OTOF: variants seen among roughly 807,000 people sequenced by gnomAD.
OTOF encodes fer-1-like family member 2.
OTOF carries 218 observed loss-of-function variants against 236.8 expected under a neutral mutation model. The ratio of observed to expected loss-of-function variants is 0.92; its 90% confidence interval spans 0.82 to 1.03. The LOEUF (loss-of-function observed/expected upper bound fraction) is 1.03. Among genes scored for constraint, OTOF ranks in the 50% least tolerant of loss-of-function variants. The probability of loss-of-function intolerance (pLI) is 0.00; values close to 1 mark genes in which losing one functional copy is unlikely to be tolerated. For missense variants in OTOF, 2,590 were observed against 2,694.4 expected, an observed-to-expected ratio of 0.96 and a Z score of 0.86; for synonymous variants, 1,041 against 1,072.5, an observed-to-expected ratio of 0.97 and a Z score of 0.57.
chr2:26,497,787 C>A (rs1308941991), intron 8 of OTOF, among the ~76,000 whole-genome samples: 1 of 152,202 alleles, frequency 6.6e-6, no homozygotes, highest in African/African-American at 2.4e-5. Context: ...GTTCAATATT[C>A]ACTGCTCCTT....
At chr2:26,550,283 C>T (rs539763417) in intron 1 of OTOF, among the ~76,000 whole-genome samples, 1 of 152,214 alleles carries the variant, frequency 6.6e-6, no homozygotes, top group South Asian at 2.1e-4. Flanking sequence ...CATGATAGTC[C>T]CTGTCTCCGG....
At chr2:26,478,148 A>T in intron 18 of OTOF, 1 of 793,658 alleles carries the variant, frequency 1.3e-6, no homozygotes, top group Non-Finnish European at 1.7e-6. Context: ...GGGGATGGGA[A>T]CAGATGCCTG....
intron 1 of OTOF, among the ~76,000 whole-genome samples, chr2:26,541,378 A>G (rs1017588405): frequency 2.0e-5 from 3 of 152,238 alleles, no homozygotes; most frequent in Non-Finnish European, 4.4e-5. Flanking sequence ...GGGGATTTAG[A>G]GATGGTGAAT....
Position 26,517,961 on chromosome 2 carries a change from G to A in OTOF, c.327+1049C>T, listed in dbSNP as rs996759689. 8.5e-5 allele frequency among the ~76,000 whole-genome samples: 13 copies of A among 152,142 alleles called. 1 individual carries two copies. The highest frequency in any genetic ancestry group is 7.2e-4 in the Admixed American group (11 of 15,270). Reference sequence around the variant, plus strand: ...CTCCTCCCAGCCCGCCTTCCCATGGGTGTCCATACATAGCTTATTCTGCAC... The same window carrying A: ...CTCCTCCCAGCCCGCCTTCCCATGGATGTCCATACATAGCTTATTCTGCAC... On this transcript the variant is annotated intron_variant, in intron 4 of 46. Transcript: ENST00000272371.
chr2:26,528,052 G>C (rs1666853364), intron 2 of OTOF, 132 bp from the exon 3 acceptor site: 1 of 721,088 alleles, frequency 1.4e-6, no homozygotes, highest in African/African-American at 1.7e-5. Context: ...GCTCCCCAGG[G>C]ACAAAGCATT....
intron 8 of OTOF, among the ~76,000 whole-genome samples, chr2:26,500,490 A>G (rs1199595275): frequency 1.3e-5 from 2 of 152,104 alleles, no homozygotes; most frequent in African/African-American, 4.8e-5. Context: ...CCTGAGCCCA[A>G]TCCCTTGGAA....
chr2:26,476,187 A>G lies in OTOF; in HGVS notation c.2807T>C (p.Val936Ala), dbSNP rs758010380. The change falls in exon 23 of 47, where the codon GTC becomes GCC. Residue 936 changes from valine to alanine, a missense_variant. By Grantham distance (64) the Val-to-Ala change is moderately conservative. This residue lies in a region of OTOF where 1,379 missense variants were observed against 1,341.6 expected (regional missense o/e 1.03). Transcript: ENST00000272371. Reference protein sequence around the residue: ...LCGLPCGFQEVKAAQGLGLHA... With the variant: ...LCGLPCGFQEAKAAQGLGLHA... Reference sequence around the variant, plus strand: ...CAGGCCCAGGCCCTGGGCTGCCTTGACCTCCTGGAAGCCACAGGGCAGGCC... The same window carrying G: ...CAGGCCCAGGCCCTGGGCTGCCTTGGCCTCCTGGAAGCCACAGGGCAGGCC... The G allele has an allele frequency of 1.9e-6, 3 of 1,610,350 alleles. No individual in the cohort carries two copies.
intron 46 of OTOF, 112 bp from the exon 47 acceptor site, chr2:26,458,332 A>T: frequency 9.2e-7 from 1 of 1,089,130 alleles, no homozygotes; most frequent in African/African-American, 1.6e-5. Context: ...CCCCAGCCCC[A>T]AAAGCAGTGA....
chr2:26,466,124 ATCT>A (rs748852975), intron 36 of OTOF, 48 bp from the exon 37 acceptor site: 11 of 1,612,432 alleles, frequency 6.8e-6, no homozygotes, highest in Non-Finnish European at 9.3e-6. Context: ...TGCCCTGCTC[ATCT>A]TCAGTGCCCC....
chr2:26,487,638 G>A (rs954868313), intron 11 of OTOF, among the ~76,000 whole-genome samples: 1 of 152,144 alleles, frequency 6.6e-6, no homozygotes, highest in Non-Finnish European at 1.5e-5. Context: ...GAAGCCCAGA[G>A]GTCCATATTA....
chr2:26,457,957 C>G lies in OTOF; in HGVS notation c.*281G>C. 7.1e-7 allele frequency: 1 copy of G among 1,413,272 alleles called. No individual in the cohort carries two copies. The highest frequency in any genetic ancestry group is 9.8e-7 in the Non-Finnish European group (1 of 1,020,660). 87.5% of individuals were successfully genotyped at this position (1,413,272 alleles called of 1,614,324 possible). On this transcript the variant is annotated 3_prime_UTR_variant, in exon 47 of 47. Coordinates refer to ENST00000272371, the MANE Select transcript of OTOF (RefSeq NM_194248.3). The surrounding 1 kb of genome is among the most constrained non-coding windows in gnomAD (Gnocchi z 4.4). The stretch of plus-strand genomic sequence containing the variant: ...GAGTGGACGCTGGGCTCCTCAGGCT[C>G]CCCAGGGGAGATGGGAAAGAGTCCA...
chr2:26,459,376 C>T (rs957991708), intron 46 of OTOF, among the ~76,000 whole-genome samples: 8 of 152,046 alleles, frequency 5.3e-5, no homozygotes, highest in African/African-American at 1.9e-4. Context: ...CACAGTGAAA[C>T]CCCGTCTCTA....
Position 26,477,811 on chromosome 2 carries a change from G to T in OTOF, c.2215-62C>A, listed in dbSNP as rs538163361. 2 of 1,599,740 alleles carry T rather than the reference G, an allele frequency of 1.3e-6. No homozygotes were observed. Among genetic ancestry groups the T allele is most frequent in the South Asian group, 2.2e-5 (2 of 89,308 alleles). ...CCCCGCCTCCCCAGCCTCCCCAAAT[G>T]CCTCCTCCCTGTTGATCAGGGGAGT... On this transcript the variant is annotated intron_variant, in intron 18 of 46. Transcript: ENST00000272371. This position sits in a 1 kb window ranked among gnomAD's most constrained non-coding sequence, Gnocchi z 4.7.
At position 26,503,945 on chromosome 2, in the gene OTOF, G is replaced by A. The variant is rs1666184593; in HGVS notation, c.510-100C>T. ...AAACATGAGAGAACACATCAGAGAA[G>A]GGAGATGGACCCGGCCCCTCACCTA... On this transcript the variant is annotated intron_variant, in intron 5 of 46. Transcript: ENST00000272371. 6 of 1,067,866 alleles carry A rather than the reference G, an allele frequency of 5.6e-6. No homozygotes were observed. In the Admixed American group the frequency reaches 6.9e-5, roughly 12 times the overall value. 66.1% of individuals were successfully genotyped at this position (1,067,866 alleles called of 1,614,324 possible).
At chr2:26,498,431 G>T (rs1666041217) in intron 8 of OTOF, among the ~76,000 whole-genome samples, 1 of 152,172 alleles carries the variant, frequency 6.6e-6, no homozygotes, top group African/African-American at 2.4e-5. Context: ...CCCTCCTGGG[G>T]CTCTAGGAAG....
At chr2:26,467,543 A>G (rs771696146) in intron 33 of OTOF, 42 bp from the exon 34 acceptor site, 1 of 1,603,170 alleles carries the variant, frequency 6.2e-7, no homozygotes, top group Non-Finnish European at 8.5e-7. Flanking sequence ...AAATGAGCAG[A>G]GCAGGAAGGC....
At chr2:26,534,815 G>A (rs549109566) in intron 2 of OTOF, among the ~76,000 whole-genome samples, 5 of 152,276 alleles carry the variant, frequency 3.3e-5, no homozygotes, top group East Asian at 3.9e-4. Flanking sequence ...AGCTGGCTCC[G>A]GCAGGCCCTG....
At chr2:26,466,131 G>A in intron 36 of OTOF, 55 bp from the exon 37 acceptor site, 3 of 1,611,232 alleles carry the variant, frequency 1.9e-6, no homozygotes, top group Middle Eastern at 1.7e-4. Context: ...CTCATCTTCA[G>A]TGCCCCTGCC....
rs150643069 is a variant in OTOF at position 26,556,576 on chromosome 2, T to C, written c.79+1917A>G. On this transcript the variant is annotated intron_variant, in intron 1 of 46. Coordinates refer to ENST00000272371, the MANE Select transcript of OTOF (RefSeq NM_194248.3). ...TGCAAATAAACTAATTCCTGTGTGGTCAGTGAGGCTAAAGGCCCAGCCCTT... is the reference window on the plus strand; with the variant it reads ...TGCAAATAAACTAATTCCTGTGTGGCCAGTGAGGCTAAAGGCCCAGCCCTT... Among the ~76,000 whole-genome samples the C allele has an allele frequency of 1.5e-3, 228 of 152,124 alleles. 2 individuals carry two copies. Among genetic ancestry groups the C allele is most frequent in the African/African-American group, 5.2e-3 (216 of 41,480 alleles).
Sources: gnomAD v4.1 joint callset for allele counts (sites outside exome capture counted in the v4.1 genomes callset) on GRCh38, gnomAD v4.1.1 for gene constraint, gnomAD v4.1.1 regional missense constraint, Gnocchi (gnomAD v3.1) non-coding constraint, MANE v1.5 for transcripts, NCBI Gene and HGNC (gene_info 2026-07-23, HGNC 2026-07-21) for gene names.